The following KCNN3 variants were observed in gnomAD, a reference collection of about 807,000 sequenced individuals.
KCNN3 encodes the protein small conductance calcium-activated potassium channel protein 3.
KCNN3 carries 16 observed loss-of-function variants against 62.9 expected under a neutral mutation model. The ratio of observed to expected loss-of-function variants is 0.25; its 90% CI spans 0.17 to 0.39. The LOEUF is 0.39. KCNN3 is among the 10% of genes least tolerant of loss of function. The pLI is 1.00. For missense variants in KCNN3, 599 were observed against 949.4 expected (o/e 0.63, Z 4.85); for synonymous variants, 370 against 389.2 (o/e 0.95, Z 0.58).
chr1:154,720,473 G>A (rs984090768), intron 5 of KCNN3, among the ~76,000 whole-genome samples: 10 of 152,204 alleles, frequency 6.6e-5, no homozygotes, highest in African/African-American at 2.4e-4. Flanking sequence ...TCCATTAGCA[G>A]TCTTTAGCTA....
Position 154,772,536 on chromosome 1 carries a change from C to A in KCNN3, c.1030-143G>T. On this transcript the variant is annotated intron_variant, in intron 2 of 7. Coordinates refer to ENST00000271915, the MANE Select transcript of KCNN3 (RefSeq NM_002249.6). The surrounding 1 kb of genome is among the most constrained non-coding windows in gnomAD (Gnocchi z 5.6). ...CTCAGCATGCTCTTTAGGGGCCTTG[C>A]TATGTGGCAAGAGCCCTGTATGTGG... is the stretch of plus-strand genomic sequence containing the variant. The A allele has an allele frequency of 1.3e-6, 1 of 771,248 alleles. No individual in the cohort carries two copies. The highest frequency in any genetic ancestry group is 2.1e-5 in the Admixed American group (1 of 46,926). 47.8% of individuals were successfully genotyped at this position (771,248 alleles called of 1,614,324 possible). A position where few individuals can be genotyped will look rare whatever the true frequency, so the allele number is the denominator to read the frequency against.
At chr1:154,708,645 G>A (rs1395616765) in intron 7 of KCNN3, among the ~76,000 whole-genome samples, 2 of 152,018 alleles carry the variant, frequency 1.3e-5, no homozygotes, top group African/African-American at 2.4e-5. Flanking sequence ...GAAGACGCTG[G>A]TGGGGAATGG....
At chr1:154,799,506 G>A (rs149043007) in intron 2 of KCNN3, among the ~76,000 whole-genome samples, 3 of 152,320 alleles carry the variant, frequency 2.0e-5, no homozygotes, top group Non-Finnish European at 2.9e-5. Context: ...TCCAGAAAAC[G>A]AGGGCAGGCT....
intron 1 of KCNN3, among the ~76,000 whole-genome samples, chr1:154,859,110 C>T (rs1652653251): frequency 1.3e-5 from 2 of 152,254 alleles, no homozygotes. Context: ...ACATGCCTAC[C>T]CCAAGCCCTC....
intron 1 of KCNN3, among the ~76,000 whole-genome samples, chr1:154,848,244 C>A (rs1043908527): frequency 2.0e-5 from 3 of 152,100 alleles, no homozygotes; most frequent in African/African-American, 7.2e-5. Flanking sequence ...GGCGAGTGGG[C>A]CACGACAGTC....
chr1:154,803,780 G>A (rs750479665), intron 2 of KCNN3, among the ~76,000 whole-genome samples: 5 of 152,180 alleles, frequency 3.3e-5, no homozygotes, highest in Non-Finnish European at 7.3e-5. Flanking sequence ...TAATCTGAGC[G>A]AGAGATGTGT....
Position 154,699,118 on chromosome 1 carries a change from A to T in KCNN3, c.*8858T>A, listed in dbSNP as rs1438878015. On this transcript the variant is annotated 3_prime_UTR_variant, in exon 8 of 8. Transcript: ENST00000271915. ...CAGAAAAATGTTTTCCAAAGGAAAA[A>T]TGTTTCCTCTTTGGTGACCTGAGAA... is the stretch of plus-strand genomic sequence containing the variant. 1.3e-5 allele frequency: 2 copies of T among 152,052 alleles called. No individual in the cohort carries two copies. Among genetic ancestry groups the T allele is most frequent in the African/African-American group, 4.8e-5 (2 of 41,392 alleles). 9.4% of individuals were successfully genotyped at this position (152,052 alleles called of 1,614,324 possible).
intron 1 of KCNN3, among the ~76,000 whole-genome samples, chr1:154,823,770 C>T (rs759895748): frequency 4.6e-5 from 7 of 152,184 alleles, no homozygotes; most frequent in African/African-American, 7.2e-5. Flanking sequence ...GGGTCAGAGA[C>T]AGCTTTCAGA....
intron 1 of KCNN3, among the ~76,000 whole-genome samples, chr1:154,846,634 G>A (rs1398920091): frequency 6.6e-6 from 1 of 152,182 alleles, no homozygotes; most frequent in East Asian, 1.9e-4. Flanking sequence ...GTACCCTACT[G>A]CCATTGGGTG....
intron 1 of KCNN3, among the ~76,000 whole-genome samples, chr1:154,824,943 A>G (rs1403931744): frequency 6.6e-6 from 1 of 152,196 alleles, no homozygotes; most frequent in African/African-American, 2.4e-5. Context: ...GACTCTCGAT[A>G]TCTTACAGAT....
At chr1:154,846,749 G>A (rs1019904677) in intron 1 of KCNN3, among the ~76,000 whole-genome samples, 2 of 152,146 alleles carry the variant, frequency 1.3e-5, no homozygotes, top group East Asian at 3.9e-4. Flanking sequence ...TCCACTTCTC[G>A]CTGTACTCCA....
intron 1 of KCNN3, among the ~76,000 whole-genome samples, 159 bp downstream of exon 1, chr1:154,868,873 T>TCTC (rs1653055734): frequency 6.6e-6 from 1 of 151,334 alleles, no homozygotes; most frequent in Admixed American, 6.6e-5. Context: ...ACCACCTCTC[T>TCTC]CTCCCAGTCT....
At chr1:154,775,854 G>A (rs1366697209) in intron 2 of KCNN3, among the ~76,000 whole-genome samples, 2 of 152,206 alleles carry the variant, frequency 1.3e-5, no homozygotes, top group Non-Finnish European at 2.9e-5. Flanking sequence ...CCATGGCAAC[G>A]TGACTGCCTG....
intron 3 of KCNN3, among the ~76,000 whole-genome samples, chr1:154,759,189 C>T (rs879350461): frequency 3.9e-5 from 6 of 152,154 alleles, no homozygotes; most frequent in African/African-American, 1.4e-4. Context: ...CAGCCTGGCG[C>T]GGGGGCCCCA....
In KCNN3 at chr1:154,704,405, G is replaced by T. The variant is rs1348280315; in HGVS notation, c.*3571C>A. 6.6e-6 allele frequency: 1 copy of T among 152,184 alleles called. No homozygotes were observed. The highest frequency in any genetic ancestry group is 1.5e-5 in the Non-Finnish European group (1 of 68,044). 9.4% of individuals were successfully genotyped at this position (152,184 alleles called of 1,614,324 possible). On this transcript the variant is annotated 3_prime_UTR_variant, in exon 8 of 8. Coordinates refer to ENST00000271915, the MANE Select transcript of KCNN3 (RefSeq NM_002249.6). ...TATATATGTGGCCTTTGATCCAAAG[G>T]TGAAGACTTTTATTTGGACTTCAAT...
intron 1 of KCNN3, among the ~76,000 whole-genome samples, chr1:154,857,305 G>A (rs1025757062): frequency 2.0e-5 from 3 of 152,228 alleles, no homozygotes; most frequent in African/African-American, 7.2e-5. Flanking sequence ...TAGGACGCAT[G>A]CTGTTGAGGG....
Position 154,772,461 on chromosome 1 carries a change from C to G in KCNN3, c.1030-68G>C. The G allele has an allele frequency of 6.5e-7, 1 of 1,535,426 alleles. No individual in the cohort carries two copies. Among genetic ancestry groups the G allele is most frequent in the Non-Finnish European group, 8.9e-7 (1 of 1,118,174 alleles). On this transcript the variant is annotated intron_variant, in intron 2 of 7. Coordinates refer to ENST00000271915, the MANE Select transcript of KCNN3 (RefSeq NM_002249.6). This position sits in a 1 kb window ranked among gnomAD's most constrained non-coding sequence, Gnocchi z 5.6. ...AGCCCACAGCAGGGTCCAGGCAGGA[C>G]AGGTGGGGCAGGCTGGGGCAGGCTG...
At chr1:154,775,974 A>G (rs1260645103) in intron 2 of KCNN3, among the ~76,000 whole-genome samples, 1 of 151,454 alleles carries the variant, frequency 6.6e-6, no homozygotes, top group African/African-American at 2.4e-5. Flanking sequence ...GCAACGAGTA[A>G]CAGATTCCTT....
rs1390286035 is a variant in KCNN3 at position 154,707,720 on chromosome 1, A to C, written c.*256T>G. ...TCTGTTCTCCACCAACTCTGCAGCA[A>C]GGGCCCTGCCAGAGGCGTCGCTTCC... On this transcript the variant is annotated 3_prime_UTR_variant, in exon 8 of 8. Transcript: ENST00000271915. 2 of 457,776 alleles carry C rather than the reference A, an allele frequency of 4.4e-6. No homozygotes were observed. The highest frequency in any genetic ancestry group is 3.9e-6 in the Non-Finnish European group (1 of 258,294). The allele number at this position is 457,776 out of a possible 1,614,324, so 28.4% of individuals were successfully genotyped here.
Sources: gnomAD v4.1 joint callset for allele counts (sites outside exome capture counted in the v4.1 genomes callset) on GRCh38, gnomAD v4.1.1 for gene constraint, Gnocchi (gnomAD v3.1) non-coding constraint, MANE v1.5 for transcripts, NCBI Gene and HGNC (gene_info 2026-07-23, HGNC 2026-07-21) for gene names.